DOCK4: variants seen among roughly 807,000 people sequenced by gnomAD.
DOCK4 encodes dedicator of cytokinesis protein 4.
Under a neutral mutation model 268.1 loss-of-function variants are expected in DOCK4, and 97 were observed. The ratio of observed to expected loss-of-function variants is 0.36; its 90% confidence interval spans 0.31 to 0.43. The LOEUF (loss-of-function observed/expected upper bound fraction) is 0.43, where lower values mean the gene tolerates loss of function less well. Ranked by LOEUF, DOCK4 falls within the 20% of genes least tolerant of loss-of-function variation. The pLI is 1.00. For missense variants in DOCK4, 2,145 were observed against 2,455.7 expected (o/e 0.87, Z 2.67); for synonymous variants, 954 against 887.2 (o/e 1.08, Z -1.34).
At chr7:112,119,683 C>G (rs1812542488) in intron 1 of DOCK4, among the ~76,000 whole-genome samples, 1 of 152,126 alleles carries the variant, frequency 6.6e-6, no homozygotes, top group South Asian at 2.1e-4. Context: ...CAGCTCCACC[C>G]TTCTGTGGCC....
intron 4 of DOCK4, among the ~76,000 whole-genome samples, chr7:111,997,422 G>T (rs1800058535): frequency 6.6e-6 from 1 of 152,118 alleles, no homozygotes; most frequent in South Asian, 2.1e-4. Context: ...TAGAGTAATG[G>T]TCTCTGAGAT....
At chr7:112,166,292 G>A (rs1817606550) in intron 1 of DOCK4, among the ~76,000 whole-genome samples, 1 of 152,032 alleles carries the variant, frequency 6.6e-6, no homozygotes, top group Non-Finnish European at 1.5e-5. Context: ...TGCTCTTGGG[G>A]TATGACTGAC....
chr7:111,898,490 C>A (rs1199255508), intron 15 of DOCK4, among the ~76,000 whole-genome samples: 4 of 152,226 alleles, frequency 2.6e-5, no homozygotes, highest in Non-Finnish European at 5.9e-5. Flanking sequence ...TACTTAGTTT[C>A]TCAGCTATTA....
At chr7:111,913,611 A>G (rs373789632) in intron 13 of DOCK4, among the ~76,000 whole-genome samples, 5 of 150,958 alleles carry the variant, frequency 3.3e-5, no homozygotes, top group Admixed American at 1.3e-4. Context: ...GGGTTTCACC[A>G]TGTTAGCCAG....
intron 1 of DOCK4, among the ~76,000 whole-genome samples, chr7:112,183,323 C>G (rs1369498521): frequency 6.6e-6 from 1 of 152,212 alleles, no homozygotes; most frequent in South Asian, 2.1e-4. Flanking sequence ...CAACAAAAGG[C>G]ATTATCTAGA....
intron 1 of DOCK4, among the ~76,000 whole-genome samples, chr7:112,028,325 A>C (rs1343012626): frequency 6.6e-6 from 1 of 152,234 alleles, no homozygotes; most frequent in Non-Finnish European, 1.5e-5. Context: ...GGTTTCTTAT[A>C]TCTTCCTTAC....
rs761172272 is a variant in DOCK4 at position 111,822,476 on chromosome 7, G to T, written c.2836-20C>A. On this transcript the variant is annotated intron_variant, in intron 26 of 52. Coordinates refer to ENST00000428084, the MANE Select transcript of DOCK4 (RefSeq NM_001363540.2). ...GAAATCCTTGGATAAGGAGAAAATA[G>T]ATCATTTTATTGGTTTATTGTAACT... 6 of 1,587,908 alleles carry T rather than the reference G, an allele frequency of 3.8e-6. No individual in the cohort carries two copies. Among genetic ancestry groups the T allele is most frequent in the African/African-American group, 1.3e-5 (1 of 74,250 alleles).
chr7:111,872,140 T>TC, intron 19 of DOCK4, 50 bp from the exon 20 acceptor site: 1 of 1,455,600 alleles, frequency 6.9e-7, no homozygotes, highest in Non-Finnish European at 9.2e-7. Context: ...ATCAAGGTTT[T>TC]CCTTTTTTTT....
intron 25 of DOCK4, among the ~76,000 whole-genome samples, chr7:111,841,826 C>T (rs1803721368): frequency 6.6e-6 from 1 of 152,178 alleles, no homozygotes; most frequent in South Asian, 2.1e-4. Context: ...TCGTAATTGG[C>T]ATTACTTATT....
intron 37 of DOCK4, 35 bp from the exon 38 acceptor site, chr7:111,767,153 T>C: frequency 6.4e-7 from 1 of 1,570,892 alleles, no homozygotes; most frequent in Non-Finnish European, 8.7e-7. Context: ...TGGAACCATC[T>C]GACAATATCC....
chr7:111,834,461 G>T, intron 26 of DOCK4, 127 bp downstream of exon 26: 1 of 741,966 alleles, frequency 1.3e-6, no homozygotes, highest in Non-Finnish European at 2.1e-6. Context: ...ATGAGGCTGA[G>T]AAAAACAGCT....
chr7:111,853,186 T>G (rs1270836268), intron 23 of DOCK4, among the ~76,000 whole-genome samples: 1 of 152,178 alleles, frequency 6.6e-6, no homozygotes, highest in Non-Finnish European at 1.5e-5. Context: ...GTCATACTTT[T>G]GCCTCCTCTA....
intron 17 of DOCK4, among the ~76,000 whole-genome samples, chr7:111,875,659 T>C (rs1216029623): frequency 6.6e-6 from 1 of 152,226 alleles, no homozygotes; most frequent in South Asian, 2.1e-4. Flanking sequence ...GCTATGCTTC[T>C]GACTTTGAAG....
chr7:111,915,762 C>T lies in DOCK4; in HGVS notation c.1192+17G>A, dbSNP rs368057221. 2.8e-4 allele frequency: 446 copies of T among 1,610,746 alleles called. 3 individuals are homozygous for T. The South Asian group carries it at 4.3e-3, about 15-fold the overall frequency. On this transcript the variant is annotated intron_variant, in intron 13 of 52. Coordinates refer to ENST00000428084, the MANE Select transcript of DOCK4 (RefSeq NM_001363540.2). ...ATACCCATATTTCATCATATCGGTA[C>T]GTCCCAAGTCACCTACCAGGCATAA...
intron 40 of DOCK4, 32 bp from the exon 41 acceptor site, chr7:111,758,822 C>A (rs538174883): frequency 6.2e-7 from 1 of 1,609,028 alleles, no homozygotes; most frequent in South Asian, 1.1e-5. Context: ...GAGAACCTGA[C>A]TTGGCAAACT....
chr7:111,765,606 T>C (rs1348186050), intron 38 of DOCK4, among the ~76,000 whole-genome samples: 1 of 152,238 alleles, frequency 6.6e-6, no homozygotes, highest in Non-Finnish European at 1.5e-5. Flanking sequence ...GAAATTAACA[T>C]GAATTATTAG....
intron 23 of DOCK4, among the ~76,000 whole-genome samples, chr7:111,853,192 C>T (rs757816382): frequency 6.6e-6 from 1 of 152,130 alleles, no homozygotes; most frequent in African/African-American, 2.4e-5. Flanking sequence ...CTTTTGCCTC[C>T]TCTATCAACA....
chr7:111,789,671 C>G (rs1799400270), intron 31 of DOCK4, among the ~76,000 whole-genome samples: 2 of 152,164 alleles, frequency 1.3e-5, no homozygotes, highest in African/African-American at 4.8e-5. Context: ...AACACCCATG[C>G]TTTTGGCAAT....
At chr7:111,911,172 C>G (rs1265452617) in intron 13 of DOCK4, among the ~76,000 whole-genome samples, 3 of 152,094 alleles carry the variant, frequency 2.0e-5, no homozygotes, top group East Asian at 3.9e-4. Flanking sequence ...TGCAAATTAA[C>G]TCTGAAGGAC....
Sources: allele counts gnomAD v4.1 joint callset (sites outside exome capture counted in the v4.1 genomes callset), GRCh38; gene constraint gnomAD v4.1.1; transcripts MANE v1.5; gene names NCBI Gene and HGNC (gene_info 2026-07-23, HGNC 2026-07-21).